TUBE1: variants seen among roughly 807,000 people sequenced by gnomAD.
TUBE1 encodes the protein tubulin epsilon chain.
A neutral mutation model predicts 53.5 loss-of-function variants in TUBE1; 34 were observed. The ratio of observed to expected loss-of-function variants is 0.64; its 90% CI spans 0.48 to 0.85. The LOEUF is 0.85. Ranked by LOEUF, TUBE1 falls within the 40% of genes least tolerant of loss-of-function variation. The probability of loss-of-function intolerance (pLI) is 0.00; values close to 1 mark genes in which losing one functional copy is unlikely to be tolerated. For synonymous variants in TUBE1, 177 were observed against 198.4 expected (o/e 0.89, Z 0.91); for missense variants, 532 against 570.5 (o/e 0.93, Z 0.69).
chr6:112,072,105 G>A (rs1554315445), intron 10 of TUBE1, 29 bp from the exon 11 acceptor site: 1 of 1,542,300 alleles, frequency 6.5e-7, no homozygotes, highest in Non-Finnish European at 8.7e-7. Flanking sequence ...ATCTCAGAAG[G>A]TGAGAACTAA....
In TUBE1 at chr6:112,087,315, G is replaced by A. The variant is rs1372189490; in HGVS notation, c.26-9C>T. On this transcript the variant is annotated splice_polypyrimidine_tract_variant and intron_variant, in intron 1 of 11. Transcript: ENST00000368662. ...GTTTCCGCACTGGCCGACTGCGACC[G>A]GAGGAGAGGAAGGAAAGAGAATAGG... The A allele has an allele frequency of 3.2e-5, 50 of 1,552,086 alleles. No individual in the cohort carries two copies. The highest frequency in any genetic ancestry group is 4.2e-5 in the Non-Finnish European group (48 of 1,147,264).
chr6:112,084,978 C>G (rs1447188461), intron 3 of TUBE1, among the ~76,000 whole-genome samples: 2 of 152,184 alleles, frequency 1.3e-5, no homozygotes, highest in African/African-American at 4.8e-5. Flanking sequence ...CAACTAGCTG[C>G]CTGTTTTCCT....
At position 112,087,308 on chromosome 6, in the gene TUBE1, TGCGACC is replaced by T; in HGVS notation, c.26-8_26-3del. ...CGATCTGGTTTCCGCACTGGCCGACTGCGACCGGAGGAGAGGAAGGAAAGAGAATAG... is the reference window on the plus strand; with the variant it reads ...CGATCTGGTTTCCGCACTGGCCGACTGGAGGAGAGGAAGGAAAGAGAATAG... On this transcript the variant is annotated splice_region_variant and splice_polypyrimidine_tract_variant and intron_variant, in intron 1 of 11. Transcript: ENST00000368662. 9 of 1,552,456 alleles carry T rather than the reference TGCGACC, an allele frequency of 5.8e-6. No homozygotes were observed. Among genetic ancestry groups the T allele is most frequent in the Non-Finnish European group, 7.0e-6 (8 of 1,147,358 alleles).
rs1554316710 is a variant in TUBE1 at position 112,081,145 on chromosome 6, A to C, written c.273T>G (p.Asp91Glu). The C allele has an allele frequency of 2.5e-6, 4 of 1,609,610 alleles. No homozygotes were observed. The highest frequency in any genetic ancestry group is 3.4e-6 in the Non-Finnish European group (4 of 1,177,970). Reference protein sequence around the residue: ...VNEILQGPLRDVFDTKQLITD... With the variant: ...VNEILQGPLREVFDTKQLITD... The stretch of plus-strand genomic sequence containing the variant: ...TGATGAGCTGTTTCGTATCAAATAC[A>C]TCTCTCAGTGGTCCCTGCAGAATTT... The change falls in exon 5 of 12, where the codon GAT (aspartate) becomes GAG (glutamate). Residue 91 changes from aspartate (D) to glutamate (E), a missense_variant. Physicochemically the swap from Asp to Glu is conservative, Grantham distance 45. Coordinates refer to ENST00000368662, the MANE Select transcript of TUBE1 (RefSeq NM_016262.5).
intron 6 of TUBE1, among the ~76,000 whole-genome samples, chr6:112,078,846 C>T (rs1423624417): frequency 6.6e-6 from 1 of 151,972 alleles, no homozygotes; most frequent in Admixed American, 6.5e-5. Context: ...TCTTAAAATG[C>T]TATGTCAATG....
chr6:112,075,045 A>C, intron 8 of TUBE1, 195 bp from the exon 9 acceptor site: 1 of 285,954 alleles, frequency 3.5e-6, no homozygotes, highest in Non-Finnish European at 6.5e-6. Flanking sequence ...ATAACACACA[A>C]CATCTACATT....
In TUBE1 at chr6:112,071,799, T is replaced by C. The variant is rs1583590777; in HGVS notation, c.1269+103A>G. On this transcript the variant is annotated intron_variant, in intron 11 of 11. Transcript: ENST00000368662. ...TCAGTTATAATCAGTACAACGCACA[T>C]AATAGAAAACATCACCCCTGATTTG... 11 of 1,183,910 alleles carry C rather than the reference T, an allele frequency of 9.3e-6. No individual in the cohort carries two copies. The East Asian group carries it at 2.8e-4, about 30-fold the overall frequency. The allele number at this position is 1,183,910 out of a possible 1,614,324, so 73.3% of individuals were successfully genotyped here. A position where few individuals can be genotyped will look rare whatever the true frequency, so the allele number is the denominator to read the frequency against.
chr6:112,074,792 C>T lies in TUBE1; in HGVS notation c.871G>A (p.Val291Ile), dbSNP rs1554315791. The change falls in exon 9 of 12, where the codon GTT (valine) becomes ATT (isoleucine). Residue 291 changes from valine (V) to isoleucine (I), a missense_variant. Coordinates refer to ENST00000368662, the MANE Select transcript of TUBE1 (RefSeq NM_016262.5). ...AGATAATGAAGTTGAGGAAAAGGAA[C>T]TAAATTCATGCTGATTTCATTAAGG... ...MDLNEISMNL[V>I]PFPQLHYLVS... The T allele has an allele frequency of 1.9e-6, 3 of 1,607,968 alleles. No individual in the cohort carries two copies. The Admixed American group carries it at 5.1e-5, about 27-fold the overall frequency.
At chr6:112,076,259 C>T (rs2114482553) in intron 7 of TUBE1, 63 bp downstream of exon 7, 1 of 1,474,916 alleles carries the variant, frequency 6.8e-7, no homozygotes, top group Non-Finnish European at 9.1e-7. Flanking sequence ...TATAAACACA[C>T]ATACATAATA....
chr6:112,086,943 C>T (rs1777170121), intron 2 of TUBE1: 2 of 507,166 alleles, frequency 3.9e-6, no homozygotes, highest in African/African-American at 3.9e-5. Context: ...CACGTGTTAT[C>T]TATTTTACAA....
At position 112,070,767 on chromosome 6, in the gene TUBE1, A is replaced by G. The variant is rs1776841750; in HGVS notation, c.*645T>C. Reference sequence around the variant, plus strand: ...ATAAATGTCATGCAGAACAATAACAAGTAGCACTGTTGAAAAATATAGACA... The same window carrying G: ...ATAAATGTCATGCAGAACAATAACAGGTAGCACTGTTGAAAAATATAGACA... On this transcript the variant is annotated 3_prime_UTR_variant, in exon 12 of 12. Transcript: ENST00000368662. 6.6e-6 allele frequency: 1 copy of G among 152,230 alleles called. No individual in the cohort carries two copies. Among genetic ancestry groups the G allele is most frequent in the Non-Finnish European group, 1.5e-5 (1 of 68,030 alleles). 9.4% of individuals were successfully genotyped at this position (152,230 alleles called of 1,614,324 possible). A position where few individuals can be genotyped will look rare whatever the true frequency, so the allele number is the denominator to read the frequency against.
rs781975372 is a variant in TUBE1, at chr6:112,072,881, G to A, written c.971C>T (p.Ser324Leu). The change falls in exon 10 of 12, where the codon TCA (serine) becomes TTA (leucine). Residue 324 changes from serine (S) to leucine (L), a missense_variant. Ser to Leu is a moderately radical substitution (Grantham distance 145). Coordinates refer to ENST00000368662, the MANE Select transcript of TUBE1 (RefSeq NM_016262.5). ...IPPRRLDQMF[S>L]DAFSKDHQLL... ...CTGGTGATCTTTACTAAAGGCATCT[G>A]AAAACATCTGATCCAATCTGCAACA... 2.5e-6 allele frequency: 4 copies of A among 1,612,980 alleles called. No individual in the cohort carries two copies. The African/African-American group carries it at 4.0e-5, about 16-fold the overall frequency.
rs145857248 is a variant in TUBE1, at chr6:112,076,033, A to C, written c.716T>G (p.Leu239Arg). 4,143 of 1,613,968 alleles carry C rather than the reference A, an allele frequency of 2.6e-3. 88 individuals are homozygous for C. The African/African-American group carries it at 0.043, about 17-fold the overall frequency. ...KLGTTVKPKS[L>R]VTSSSGALKK... ...TAAAGCCCCAGAACTTGAAGTAACC[A>C]GACTCTTTGGCTTCACAGTTGTACC... Residue 239 changes from leucine to arginine, a missense_variant, in exon 8 of 12, where the codon CTG becomes CGG. By Grantham distance (102) the Leu-to-Arg change is moderately radical (BLOSUM62 -2). Transcript: ENST00000368662.
chr6:112,072,325 A>G (rs1228797552), intron 10 of TUBE1, among the ~76,000 whole-genome samples: 1 of 152,162 alleles, frequency 6.6e-6, no homozygotes, highest in Non-Finnish European at 1.5e-5. Context: ...CTAGAAACTC[A>G]TTCCTTAAGA....
intron 6 of TUBE1, chr6:112,078,188 T>A (rs1299207564): frequency 1.3e-5 from 2 of 152,126 alleles, no homozygotes; most frequent in East Asian, 1.9e-4. Flanking sequence ...ATAGGTAATA[T>A]CAGCCAAAAT....
intron 7 of TUBE1, 24 bp from the exon 8 acceptor site, chr6:112,076,136 G>T (rs781940708): frequency 2.5e-6 from 4 of 1,599,182 alleles, no homozygotes; most frequent in Non-Finnish European, 3.4e-6. Flanking sequence ...AACATTGGGA[G>T]AGAAGCTATT....
chr6:112,087,124 T>C, intron 2 of TUBE1, 109 bp downstream of exon 2: 1 of 904,608 alleles, frequency 1.1e-6, no homozygotes, highest in East Asian at 2.7e-5. Flanking sequence ...ACTGGGAAGA[T>C]CCCATGCATC....
intron 7 of TUBE1, 89 bp downstream of exon 7, chr6:112,076,233 T>C: frequency 6.8e-7 from 1 of 1,471,150 alleles, no homozygotes; most frequent in Non-Finnish European, 9.1e-7. Context: ...GGCTGAAAAG[T>C]GAAGAGAACG....
intron 9 of TUBE1, 93 bp downstream of exon 9, chr6:112,074,612 CAATTA>C: frequency 1.2e-6 from 1 of 852,456 alleles, no homozygotes; most frequent in Non-Finnish European, 1.6e-6. Flanking sequence ...TAAGATGATA[CAATTA>C]AATAACTAGA....
Sources: allele counts gnomAD v4.1 joint callset (sites outside exome capture counted in the v4.1 genomes callset), GRCh38; gene constraint gnomAD v4.1.1; transcripts MANE v1.5; gene names NCBI Gene and HGNC (gene_info 2026-07-23, HGNC 2026-07-21).